Variants in HIP1R observed in about 807,000 individuals in gnomAD.
The protein encoded by HIP1R is huntingtin interacting protein 1 related.
A neutral mutation model predicts 144.2 loss-of-function variants in HIP1R; 135 were observed. That is an observed-to-expected ratio of 0.94 (90% CI 0.81 to 1.08). The LOEUF (loss-of-function observed/expected upper bound fraction) is 1.08. Among genes scored for constraint, HIP1R ranks in the 50% least tolerant of loss-of-function variants. The pLI is 0.00. For missense variants in HIP1R, 1,462 were observed against 1,432.8 expected (o/e 1.02, Z -0.33); for synonymous variants, 698 against 612.8 (o/e 1.14, Z -2.05).
In HIP1R at chr12:122,848,732, G is replaced by A. The variant is rs571167825; in HGVS notation, c.301-64G>A. 416 of 1,603,132 alleles carry A rather than the reference G, an allele frequency of 2.6e-4. 2 individuals are homozygous for A. Among genetic ancestry groups the A allele is most frequent in the East Asian group, 1.8e-3 (79 of 44,718 alleles). ...TCCTCCCGCCTCGGGTGGGGAGTGC[G>A]TGTCTCAGGGCCCTGCCACACGGTC... On this transcript the variant is annotated intron_variant, in intron 3 of 31. Coordinates refer to ENST00000253083, the MANE Select transcript of HIP1R (RefSeq NM_003959.3).
Position 122,855,247 on chromosome 12 carries a change from C to T in HIP1R, c.853-18C>T. 2 of 1,612,430 alleles carry T rather than the reference C, an allele frequency of 1.2e-6. No homozygotes were observed. Among genetic ancestry groups the T allele is most frequent in the Non-Finnish European group, 1.7e-6 (2 of 1,179,700 alleles). The stretch of plus-strand genomic sequence containing the variant: ...GCTTAGGGGACAGCTGAGCAGGTCC[C>T]ACCTGCCGCCCCTGCAGGGACCCCC... On this transcript the variant is annotated intron_variant, in intron 10 of 31. Coordinates refer to ENST00000253083, the MANE Select transcript of HIP1R (RefSeq NM_003959.3).
intron 1 of HIP1R, among the ~76,000 whole-genome samples, chr12:122,838,609 G>A (rs1427273065): frequency 6.6e-6 from 1 of 152,234 alleles, no homozygotes; most frequent in Non-Finnish European, 1.5e-5. Flanking sequence ...GTTGTAAGGT[G>A]TAAGAGAGAG....
upstream of HIP1R, chr12:122,835,125 G>T (rs2032832527): frequency 1.3e-6 from 1 of 782,306 alleles, no homozygotes; most frequent in South Asian, 1.5e-5. Context: ...TTTAGGGAGG[G>T]GATTAGAGGT....
At chr12:122,855,516 C>T in intron 11 of HIP1R, 35 bp from the exon 12 acceptor site, 2 of 1,549,260 alleles carry the variant, frequency 1.3e-6, no homozygotes, top group Non-Finnish European at 1.7e-6. Context: ...CTGGAGGGCA[C>T]AGGTGAGTGG....
intron 1 of HIP1R, among the ~76,000 whole-genome samples, chr12:122,844,366 A>C (rs1056269401): frequency 6.6e-6 from 1 of 151,520 alleles, no homozygotes; most frequent in South Asian, 2.1e-4. Flanking sequence ...GGCTCAAGTG[A>C]TCTCCCACCT....
In HIP1R at chr12:122,858,862, T is replaced by C; in HGVS notation, c.2075T>C (p.Leu692Pro). ...GACGCCTCCGCCCTGGTGGCAGCTC[T>C]GACCCGCTTCTCCCACCTGGCTGCG... ...LADASALVAA[L>P]TRFSHLAADT... is the part of the protein sequence containing the mutation. The change falls in exon 21 of 32, where the codon CTG (leucine) becomes CCG (proline). Residue 692 changes from leucine (L) to proline (P), a missense_variant. This residue lies in a region of HIP1R where 1,112 missense variants were observed against 1,011.7 expected (regional missense o/e 1.10). Transcript: ENST00000253083. 6.2e-7 allele frequency: 1 copy of C among 1,613,158 alleles called. No individual in the cohort carries two copies.
chr12:122,860,247 G>A (rs778653331), intron 26 of HIP1R, 37 bp downstream of exon 26: 23 of 1,537,256 alleles, frequency 1.5e-5, no homozygotes, highest in Non-Finnish European at 1.9e-5. Flanking sequence ...AGTCCACAAG[G>A]AGCCTGACCC....
intron 23 of HIP1R, 65 bp downstream of exon 23, chr12:122,859,601 G>C (rs925624231): frequency 2.9e-5 from 42 of 1,433,914 alleles, no homozygotes; most frequent in Non-Finnish European, 4.1e-5. Context: ...GGCCCCAACT[G>C]GGCTGGGTAC....
upstream of HIP1R, chr12:122,834,748 ATT>A: frequency 2.8e-6 from 1 of 361,860 alleles, no homozygotes. Context: ...CTCAGCCCCC[ATT>A]GTCCCTGGAG....
rs1021564653 is a variant in HIP1R at position 122,856,426 on chromosome 12, A to G, written c.1402-6A>G. 29 of 1,599,350 alleles carry G rather than the reference A, an allele frequency of 1.8e-5. No homozygotes were observed. Among genetic ancestry groups the G allele is most frequent in the Non-Finnish European group, 2.5e-5 (29 of 1,172,890 alleles). ...CAGAGCATGAGCCCTTCCCCTGCCC[A>G]TGCAGAACGCGGACACAGCCAAGCA... is the stretch of plus-strand genomic sequence containing the variant. On this transcript the variant is annotated splice_polypyrimidine_tract_variant and splice_region_variant and intron_variant, in intron 15 of 31. Transcript: ENST00000253083.
chr12:122,859,229 C>G, intron 22 of HIP1R, 32 bp downstream of exon 22: 1 of 1,554,030 alleles, frequency 6.4e-7, no homozygotes. Context: ...GTTTGGGAGG[C>G]TTGGGCCTGC....
At chr12:122,860,617 G>A in intron 27 of HIP1R, 62 bp from the exon 28 acceptor site, 2 of 1,561,678 alleles carry the variant, frequency 1.3e-6, no homozygotes, top group East Asian at 4.5e-5. Context: ...GAGGGGGTGT[G>A]GAGTGGTGCC....
rs2033582321 is a variant in HIP1R, at chr12:122,856,449, G to A, written c.1419G>A (p.Lys473=). 8.2e-6 allele frequency: 13 copies of A among 1,591,386 alleles called. No homozygotes were observed. The highest frequency in any genetic ancestry group is 9.4e-6 in the Non-Finnish European group (11 of 1,168,746). ...CCATGCAGAACGCGGACACAGCCAAGCAGCTGACGGTGACGCAGCAAAGCC... is the reference window on the plus strand; with the variant it reads ...CCATGCAGAACGCGGACACAGCCAAACAGCTGACGGTGACGCAGCAAAGCC... ...ELLRKNADTA[K]QLTVTQQSQE... The change falls in exon 16 of 32, where the codon AAG becomes AAA. Residue 473 remains lysine, a synonymous_variant. Transcript: ENST00000253083.
intron 7 of HIP1R, among the ~76,000 whole-genome samples, chr12:122,851,535 T>TA (rs1462511251): frequency 2.0e-5 from 3 of 151,894 alleles, no homozygotes; most frequent in East Asian, 1.9e-4. Context: ...CTGTCTCTAC[T>TA]AAAAAAATAT....
upstream of HIP1R, chr12:122,835,041 G>C (rs747312453): frequency 7.9e-7 from 1 of 1,271,714 alleles, no homozygotes; most frequent in South Asian, 1.2e-5. Context: ...GAGGGAATTG[G>C]CTGGGGTCCC....
chr12:122,857,013 GT>G lies in HIP1R; in HGVS notation c.1621-7del, dbSNP rs1566112366. 3 of 1,548,322 alleles carry G rather than the reference GT, an allele frequency of 1.9e-6. No homozygotes were observed. The highest frequency in any genetic ancestry group is 2.6e-6 in the Non-Finnish European group (3 of 1,146,736). On this transcript the variant is annotated splice_region_variant and splice_polypyrimidine_tract_variant and intron_variant, in intron 17 of 31. Coordinates refer to ENST00000253083, the MANE Select transcript of HIP1R (RefSeq NM_003959.3). ...GTTCACATGCCTGGTGTCCATGTCTGTCCACAGAGCAAGTCGGAGCTGAGCT... is the reference window on the plus strand; with the variant it reads ...GTTCACATGCCTGGTGTCCATGTCTGCCACAGAGCAAGTCGGAGCTGAGCT...
chr12:122,853,220 C>T (rs2033452242), intron 7 of HIP1R, among the ~76,000 whole-genome samples: 1 of 150,738 alleles, frequency 6.6e-6, no homozygotes, highest in South Asian at 2.1e-4. Context: ...GCCCGATTGT[C>T]AGGGGCAGGG....
Position 122,848,013 on chromosome 12 carries a change from C to T in HIP1R, c.94-18C>T. 1 of 1,613,232 alleles carries T rather than the reference C, an allele frequency of 6.2e-7. No homozygotes were observed. The highest frequency in any genetic ancestry group is 1.3e-5 in the African/African-American group (1 of 75,058). ...TGGCTGCCTGGGGCTCTAAACACTGCTCCTTTGTCCCTCACAGGCCATCAG... is the reference window on the plus strand; with the variant it reads ...TGGCTGCCTGGGGCTCTAAACACTGTTCCTTTGTCCCTCACAGGCCATCAG... On this transcript the variant is annotated intron_variant, in intron 1 of 31. Transcript: ENST00000253083.
intron 1 of HIP1R, among the ~76,000 whole-genome samples, chr12:122,847,373 T>C (rs2033239867): frequency 6.6e-6 from 1 of 152,048 alleles, no homozygotes; most frequent in South Asian, 2.1e-4. Flanking sequence ...TGGTCAAGTG[T>C]GAAGGTGCCA....
Sources: allele counts gnomAD v4.1 joint callset (sites outside exome capture counted in the v4.1 genomes callset), GRCh38; gene constraint gnomAD v4.1.1; regional missense constraint gnomAD v4.1.1; transcripts MANE v1.5; gene names NCBI Gene and HGNC (gene_info 2026-07-23, HGNC 2026-07-21).